The following CFH variants were observed in gnomAD, a reference collection of about 807,000 sequenced individuals.
The protein encoded by CFH is H factor 1 (complement).
A neutral mutation model predicts 147.3 loss-of-function variants in CFH; 53 were observed. That is an observed-to-expected ratio of 0.36 (90% CI 0.29 to 0.45). The LOEUF (loss-of-function observed/expected upper bound fraction) is 0.45, where lower values mean the gene tolerates loss of function less well. CFH is among the 20% of genes least tolerant of loss of function. The pLI is 1.00. For synonymous variants in CFH, 536 were observed against 489.4 expected, an observed-to-expected ratio of 1.10 and a Z score of -1.26; for missense variants, 1,380 against 1,498.0, an observed-to-expected ratio of 0.92 and a Z score of 1.30.
Position 196,692,901 on chromosome 1 carries a change from C to CCTTCCTTCCTT in CFH, c.1336+2663_1336+2664insTTCCTTCCTTC, listed in dbSNP as rs80287404. ...CACCTCCCTCCCTCCCTCCCTCCCT[C>CCTTCCTTCCTT]CCTTCCTTCCTTCCTTCCTTCCTTC... is the stretch of plus-strand genomic sequence containing the variant. On this transcript the variant is annotated intron_variant, in intron 9 of 21. Coordinates refer to ENST00000367429, the MANE Select transcript of CFH (RefSeq NM_000186.4). Among the ~76,000 whole-genome samples the CCTTCCTTCCTT allele has an allele frequency of 6.7e-3, 475 of 70,684 alleles. 29 individuals are homozygous for CCTTCCTTCCTT. The highest frequency in any genetic ancestry group is 0.017 in the East Asian group (53 of 3,106). 46.4% of individuals were successfully genotyped at this position (70,684 alleles called of 152,430 possible).
intron 1 of CFH, among the ~76,000 whole-genome samples, chr1:196,657,937 A>G (rs1666760032): frequency 6.6e-6 from 1 of 152,166 alleles, no homozygotes; most frequent in African/African-American, 2.4e-5. Context: ...ATTTGAATAA[A>G]AACACTTTTC....
intron 11 of CFH, among the ~76,000 whole-genome samples, chr1:196,717,671 G>A (rs1386137193): frequency 6.6e-6 from 1 of 152,096 alleles, no homozygotes; most frequent in African/African-American, 2.4e-5. Flanking sequence ...GAGGAAAGTT[G>A]TGCACTGAAG....
chr1:196,720,570 A>C (rs1377904759), intron 11 of CFH, among the ~76,000 whole-genome samples: 2 of 152,012 alleles, frequency 1.3e-5, no homozygotes, highest in African/African-American at 4.8e-5. Context: ...TTTACCTAAA[A>C]TAATGGCCTT....
At chr1:196,677,441 A>G (rs771320066) in intron 4 of CFH, 35 bp from the exon 5 acceptor site, 2 of 1,591,912 alleles carry the variant, frequency 1.3e-6, no homozygotes, top group Admixed American at 3.3e-5. Context: ...AACTTTTAAA[A>G]TTCCATTAGA....
At chr1:196,746,059 T>G (rs748341939) in intron 21 of CFH, 60 bp downstream of exon 21, 1 of 1,611,396 alleles carries the variant, frequency 6.2e-7, no homozygotes, top group African/African-American at 1.3e-5. Context: ...GATATTTCAC[T>G]GTTTGTAACA....
chr1:196,697,309 G>A (rs1668306347), intron 9 of CFH, among the ~76,000 whole-genome samples: 1 of 151,894 alleles, frequency 6.6e-6, no homozygotes. Context: ...AAATTTACAA[G>A]AAAAAAACAA....
chr1:196,670,379 C>T (rs971753017), intron 1 of CFH, among the ~76,000 whole-genome samples: 16 of 152,174 alleles, frequency 1.1e-4, no homozygotes, highest in Admixed American at 3.9e-4. Flanking sequence ...TGTGTCCCTA[C>T]CCAAATCTCA....
At chr1:196,721,083 G>C (rs539635972) in intron 11 of CFH, among the ~76,000 whole-genome samples, 1 of 151,340 alleles carries the variant, frequency 6.6e-6, no homozygotes, top group South Asian at 2.1e-4. Context: ...CATATTTCTT[G>C]GTCATTTTCA....
chr1:196,735,032 A>G (rs1168497362), intron 15 of CFH, among the ~76,000 whole-genome samples: 4 of 152,150 alleles, frequency 2.6e-5, no homozygotes, highest in African/African-American at 4.8e-5. Flanking sequence ...CTTTGAAAAT[A>G]TAAAACTTTA....
chr1:196,713,335 G>T (rs1457455252), intron 9 of CFH, among the ~76,000 whole-genome samples: 1 of 152,070 alleles, frequency 6.6e-6, no homozygotes. Flanking sequence ...ATCATCACAG[G>T]ATCTCAGATA....
chr1:196,746,996 A>G (rs1653031708), intron 21 of CFH, 115 bp from the exon 22 acceptor site: 2 of 1,540,042 alleles, frequency 1.3e-6, no homozygotes, highest in Non-Finnish European at 1.8e-6. Context: ...TGGTTTGGAT[A>G]GTGTTTTGAG....
rs1667951518 is a variant in CFH at position 196,689,514 on chromosome 1, C to T, written c.1059C>T (p.Tyr353=). The change falls in exon 8 of 22, where the codon TAC becomes TAT. Residue 353 remains tyrosine, a synonymous_variant. Transcript: ENST00000367429. ...PYFPVAVGKY[Y]SYYCDEHFET... ...TTCCAGTAGCTGTAGGAAAATATTA[C>T]TCCTATTACTGTGATGAACATTTTG... 1 of 1,613,304 alleles carries T rather than the reference C, an allele frequency of 6.2e-7. No homozygotes were observed. Among genetic ancestry groups the T allele is most frequent in the Admixed American group, 1.7e-5 (1 of 59,896 alleles).
intron 1 of CFH, among the ~76,000 whole-genome samples, chr1:196,669,272 A>G (rs1417750203): frequency 6.6e-6 from 1 of 152,224 alleles, no homozygotes; most frequent in Non-Finnish European, 1.5e-5. Context: ...TGCAATAGAA[A>G]TAAAACCCGA....
At chr1:196,657,844 G>T (rs1165003008) in intron 1 of CFH, among the ~76,000 whole-genome samples, 1 of 152,024 alleles carries the variant, frequency 6.6e-6, no homozygotes, top group East Asian at 1.9e-4. Context: ...TGAACAAAGA[G>T]ACCAACTTTA....
At chr1:196,702,143 A>G (rs1307475616) in intron 9 of CFH, among the ~76,000 whole-genome samples, 2 of 152,188 alleles carry the variant, frequency 1.3e-5, no homozygotes, top group African/African-American at 4.8e-5. Context: ...CAGTTAAAGG[A>G]ACCTATGACT....
At position 196,736,957 on chromosome 1, in the gene CFH, A is replaced by G. The variant is rs1321066520; in HGVS notation, c.2547A>G (p.Glu849=). 1.2e-6 allele frequency: 2 copies of G among 1,612,108 alleles called. No homozygotes were observed. Among genetic ancestry groups the G allele is most frequent in the South Asian group, 2.2e-5 (2 of 90,980 alleles). The change falls in exon 16 of 22, where the codon GAA becomes GAG. Residue 849 remains glutamate (E), a synonymous_variant. Transcript: ENST00000367429. ...CQENYLIQEG[E]EITCKDGRWQ... is the part of the protein sequence containing the mutation. ...AAAATTATCTAATTCAGGAAGGAGA[A>G]GAAATTACATGCAAAGATGGAAGAT...
chr1:196,706,947 G>A (rs181199360), intron 9 of CFH, among the ~76,000 whole-genome samples: 5 of 152,130 alleles, frequency 3.3e-5, no homozygotes, highest in Middle Eastern at 3.4e-3. Flanking sequence ...AAATCATTCC[G>A]CTGCAAGACC....
chr1:196,683,238 A>G (rs899053433), intron 6 of CFH, among the ~76,000 whole-genome samples: 5 of 151,798 alleles, frequency 3.3e-5, no homozygotes, highest in Non-Finnish European at 7.4e-5. Flanking sequence ...ACCAAAAAGT[A>G]TGTAATCAAC....
intron 12 of CFH, 122 bp downstream of exon 12, chr1:196,725,419 C>A: frequency 1.1e-6 from 1 of 908,264 alleles, no homozygotes; most frequent in Non-Finnish European, 1.8e-6. Context: ...AAATATTTGC[C>A]TGTGAAGGAC....
Sources: gnomAD v4.1 joint callset for allele counts (sites outside exome capture counted in the v4.1 genomes callset) on GRCh38, gnomAD v4.1.1 for gene constraint, MANE v1.5 for transcripts, NCBI Gene and HGNC (gene_info 2026-07-23, HGNC 2026-07-21) for gene names.